The following ATP2B2 variants were observed in gnomAD, a reference collection of about 807,000 sequenced individuals.
ATP2B2 encodes ATPase plasma membrane Ca2+ transporting 2.
A neutral mutation model predicts 120.0 loss-of-function variants in ATP2B2; 15 were observed. The ratio of observed to expected loss-of-function variants is 0.12; its 90% CI spans 0.08 to 0.19. The LOEUF is 0.19. Ranked by LOEUF, ATP2B2 falls within the 10% of genes least tolerant of loss-of-function variation. The probability of loss-of-function intolerance (pLI) is 1.00; values close to 1 mark genes in which losing one functional copy is unlikely to be tolerated. For missense variants in ATP2B2, 1,045 were observed against 1,719.8 expected (o/e 0.61, Z 6.94); for synonymous variants, 694 against 700.3 (o/e 0.99, Z 0.14).
At chr3:10,456,776 G>A (rs540055920) in intron 1 of ATP2B2, among the ~76,000 whole-genome samples, 1 of 152,306 alleles carries the variant, frequency 6.6e-6, no homozygotes, top group East Asian at 1.9e-4. Context: ...TTCTGGTCTT[G>A]ATGAACTACT....
At chr3:10,529,407 G>T (rs939556866) in intron 3 of ATP2B2, among the ~76,000 whole-genome samples, 3 of 152,174 alleles carry the variant, frequency 2.0e-5, no homozygotes, top group African/African-American at 7.2e-5. Flanking sequence ...CTAGCATATA[G>T]TTGTGCTGAG....
intron 12 of ATP2B2, among the ~76,000 whole-genome samples, chr3:10,362,318 T>C (rs2060923962): frequency 6.6e-6 from 1 of 152,236 alleles, no homozygotes; most frequent in African/African-American, 2.4e-5. Flanking sequence ...GGACCCTCTG[T>C]CAGCAACTGG....
At chr3:10,391,362 C>T (rs2124897693) in intron 5 of ATP2B2, among the ~76,000 whole-genome samples, 1 of 152,326 alleles carries the variant, frequency 6.6e-6, no homozygotes, top group South Asian at 2.1e-4. Flanking sequence ...ACATTCTGCT[C>T]TGAGTAGAAA....
intron 12 of ATP2B2, among the ~76,000 whole-genome samples, chr3:10,368,825 T>C (rs1184658682): frequency 6.6e-6 from 1 of 152,106 alleles, no homozygotes; most frequent in Non-Finnish European, 1.5e-5. Flanking sequence ...CCACCACTCA[T>C]CCATCCATCC....
intron 1 of ATP2B2, among the ~76,000 whole-genome samples, chr3:10,494,614 C>A (rs763374614): frequency 6.6e-6 from 1 of 152,322 alleles, no homozygotes; most frequent in South Asian, 2.1e-4. Flanking sequence ...AAGAACACCA[C>A]AACACACTGC....
chr3:10,660,863 AC>A (rs1220875700), intron 1 of ATP2B2, among the ~76,000 whole-genome samples: 1 of 152,234 alleles, frequency 6.6e-6, no homozygotes, highest in Non-Finnish European at 1.5e-5. Flanking sequence ...ATACTGGGAA[AC>A]CAAATCCAGC....
intron 1 of ATP2B2, among the ~76,000 whole-genome samples, chr3:10,643,407 G>A (rs2070227851): frequency 6.6e-6 from 1 of 152,192 alleles, no homozygotes; most frequent in East Asian, 1.9e-4. Context: ...GCCAAGCCTA[G>A]GGGAAACTTT....
chr3:10,402,336 G>C lies in ATP2B2; in HGVS notation c.410C>G (p.Ala137Gly). 1 of 1,613,570 alleles carries C rather than the reference G, an allele frequency of 6.2e-7. No homozygotes were observed. The highest frequency in any genetic ancestry group is 1.1e-5 in the South Asian group (1 of 91,082). Residue 137 changes from alanine to glycine, a missense_variant, in exon 4 of 23, where the codon GCC (alanine) becomes GGC (glycine). Physicochemically the swap from Ala to Gly is moderately conservative, Grantham distance 60 (BLOSUM62 0). This residue lies in a region of ATP2B2 where 35 missense variants were observed against 37.2 expected (regional missense o/e 0.94). Transcript: ENST00000360273. This position sits in a 1 kb window ranked among gnomAD's most constrained non-coding sequence, Gnocchi z 4.9. ...TCCTTCATCCTCTGCCCCACCCTGG[G>C]CCGTCGCACATCCTGAAAGACCAGA... ...PGEGNEGCAT[A>G]QGGAEDEGEA... is the part of the protein sequence containing the mutation.
intron 1 of ATP2B2, among the ~76,000 whole-genome samples, chr3:10,466,172 C>T (rs2064732565): frequency 6.6e-6 from 1 of 152,166 alleles, no homozygotes; most frequent in Non-Finnish European, 1.5e-5. Context: ...CTGGTGGTCA[C>T]AAAGCTTTTT....
Position 10,347,704 on chromosome 3 carries a change from G to T in ATP2B2, c.2405-1567C>A, listed in dbSNP as rs1461755957. On this transcript the variant is annotated intron_variant, in intron 16 of 22. Transcript: ENST00000360273. The surrounding 1 kb of genome is among the most constrained non-coding windows in gnomAD (Gnocchi z 5.2). ...CAGCCTGGGGGCTCCTCCAAGGCAG[G>T]GACGGGTCAAATTTCTGCCCTGTGG... Among the ~76,000 whole-genome samples, 1 of 152,204 alleles carries T rather than the reference G, an allele frequency of 6.6e-6. No individual in the cohort carries two copies. The highest frequency in any genetic ancestry group is 1.5e-5 in the Non-Finnish European group (1 of 68,026).
At chr3:10,478,347 T>C (rs1324306892) in intron 1 of ATP2B2, among the ~76,000 whole-genome samples, 1 of 152,262 alleles carries the variant, frequency 6.6e-6, no homozygotes, top group East Asian at 1.9e-4. Context: ...GATAGTATCT[T>C]TTGATGCATT....
At chr3:10,391,377 C>T (rs969152330) in intron 5 of ATP2B2, among the ~76,000 whole-genome samples, 8 of 152,184 alleles carry the variant, frequency 5.3e-5, no homozygotes, top group Non-Finnish European at 8.8e-5. Flanking sequence ...TAGAAAGGTT[C>T]GCTGGAAATG....
intron 21 of ATP2B2, among the ~76,000 whole-genome samples, chr3:10,339,235 A>C (rs1559528951): frequency 6.6e-6 from 1 of 152,216 alleles, no homozygotes; most frequent in Admixed American, 6.5e-5. Context: ...CCTGGCCCCC[A>C]GGGTGCCCAG....
chr3:10,701,446 C>T (rs1383567089), intron 1 of ATP2B2, among the ~76,000 whole-genome samples: 3 of 152,172 alleles, frequency 2.0e-5, no homozygotes, highest in Non-Finnish European at 4.4e-5. Context: ...TTCTGAGAAA[C>T]ACTGAACAGC....
intron 2 of ATP2B2, among the ~76,000 whole-genome samples, chr3:10,613,707 C>T (rs1000516907): frequency 3.9e-5 from 6 of 152,014 alleles, no homozygotes; most frequent in South Asian, 4.2e-4. Flanking sequence ...ATCTCTTACC[C>T]GGATAATGGT....
In ATP2B2 at chr3:10,375,240, G is replaced by C. The variant is rs550715525; in HGVS notation, c.1416+190C>G. On this transcript the variant is annotated intron_variant, in intron 11 of 22. Transcript: ENST00000360273. This position sits in a 1 kb window ranked among gnomAD's most constrained non-coding sequence, Gnocchi z 4.2. ...CAGCCAGGGTATGGCTCTCTGGTTT[G>C]CTACAGGCCCCTGGACTCTATGAAA... Among the ~76,000 whole-genome samples the C allele has an allele frequency of 7.6e-4, 116 of 152,296 alleles. No individual in the cohort carries two copies. The highest frequency in any genetic ancestry group is 2.3e-3 in the Admixed American group (35 of 15,306).
At chr3:10,509,373 C>T (rs1269640725), upstream of ATP2B2, among the ~76,000 whole-genome samples, 1 of 152,100 alleles carries the variant, frequency 6.6e-6, no homozygotes, top group African/African-American at 2.4e-5. Context: ...TCACTGCTGC[C>T]CCAAAGAGCT....
Position 10,590,463 on chromosome 3 carries a change from C to T in ATP2B2, c.-415+29454G>A, listed in dbSNP as rs1441936967. Among the ~76,000 whole-genome samples, 6 of 152,224 alleles carry T rather than the reference C, an allele frequency of 3.9e-5. 1 individual carries two copies. In the East Asian group the frequency reaches 1.2e-3, roughly 29 times the overall value. ...ATAGAACAAAAGCCTTCTAGAGTGT[C>T]CTTCAGCCTCGCTGAAGGCTCCAGG... On this transcript the variant is annotated intron_variant, in intron 2 of 21. Coordinates refer to the ATP2B2 transcript ENST00000646379.
intron 1 of ATP2B2, among the ~76,000 whole-genome samples, chr3:10,488,277 G>A (rs111215327): frequency 2.4e-5 from 2 of 82,292 alleles, no homozygotes; most frequent in African/African-American, 9.4e-5. Flanking sequence ...ATCCATCCAT[G>A]CATGCATCCA....
Sources: allele counts gnomAD v4.1 joint callset (sites outside exome capture counted in the v4.1 genomes callset), GRCh38; gene constraint gnomAD v4.1.1; regional missense constraint gnomAD v4.1.1; non-coding constraint Gnocchi (gnomAD v3.1); transcripts MANE v1.5; gene names NCBI Gene and HGNC (gene_info 2026-07-23, HGNC 2026-07-21).